ARID1B: variants seen among roughly 807,000 people sequenced by gnomAD.
ARID1B encodes AT-rich interactive domain-containing protein 1B.
In ARID1B, 30 loss-of-function variants were observed where a neutral mutation model predicts 212.3. The observed-to-expected ratio is 0.14, with a 90% CI of 0.11 to 0.19. The LOEUF is 0.19. ARID1B is among the 10% of genes least tolerant of loss of function. The probability of loss-of-function intolerance (pLI) is 1.00; values close to 1 mark genes in which losing one functional copy is unlikely to be tolerated. For missense variants in ARID1B, 2,891 were observed against 3,204.0 expected, an observed-to-expected ratio of 0.90 and a Z score of 2.36; for synonymous variants, 1,402 against 1,301.7, an observed-to-expected ratio of 1.08 and a Z score of -1.66.
At chr6:156,901,269 GTTGCT>G in intron 2 of ARID1B, 102 bp from the exon 3 acceptor site, 1 of 1,266,136 alleles carries the variant, frequency 7.9e-7, no homozygotes, top group East Asian at 2.4e-5. Flanking sequence ...ATTGAGTTTA[GTTGCT>G]TAGCAGAGAA....
At chr6:157,038,440 A>T (rs1038900801) in intron 4 of ARID1B, among the ~76,000 whole-genome samples, 1 of 152,180 alleles carries the variant, frequency 6.6e-6, no homozygotes, top group Non-Finnish European at 1.5e-5. Flanking sequence ...GTAAGATGAC[A>T]CTGTAATGCT....
intron 4 of ARID1B, among the ~76,000 whole-genome samples, chr6:156,974,830 C>T (rs1397196060): frequency 3.3e-5 from 5 of 152,236 alleles, no homozygotes; most frequent in Non-Finnish European, 5.9e-5. Flanking sequence ...GCAGCACACA[C>T]TGTCTCTCCC....
chr6:157,083,698 C>T (rs1784775891), intron 4 of ARID1B, among the ~76,000 whole-genome samples: 1 of 152,156 alleles, frequency 6.6e-6, no homozygotes, highest in Non-Finnish European at 1.5e-5. Context: ...ATATAGATGG[C>T]ATTGACGGTG....
intron 6 of ARID1B, among the ~76,000 whole-genome samples, chr6:157,129,908 C>T (rs1788419242): frequency 6.6e-6 from 1 of 152,210 alleles, no homozygotes; most frequent in Non-Finnish European, 1.5e-5. Flanking sequence ...GTGGTTTACA[C>T]CTGTTATCCC....
At chr6:157,022,522 G>T (rs373367605) in intron 4 of ARID1B, 13 of 152,232 alleles carry the variant, frequency 8.5e-5, no homozygotes, top group African/African-American at 2.9e-4. Flanking sequence ...TCACTTGCAG[G>T]TGTTTTAGGT....
At chr6:157,092,797 C>G (rs1785358592) in intron 5 of ARID1B, among the ~76,000 whole-genome samples, 1 of 152,156 alleles carries the variant, frequency 6.6e-6, no homozygotes, top group African/African-American at 2.4e-5. Context: ...ACAAGAAAGC[C>G]TGTGTCACCA....
rs1282312683 is a variant in ARID1B at position 157,099,318 on chromosome 6, T to A, written c.2492-11154T>A. ...AAGTCTAGAAGTCCGTGCATCACCA[T>A]GTATCCTCTGACTTAACTTGTCCTT... On this transcript the variant is annotated intron_variant, in intron 5 of 19. Transcript: ENST00000636930. 2.0e-5 allele frequency among the ~76,000 whole-genome samples: 3 copies of A among 152,178 alleles called. No individual in the cohort carries two copies. The East Asian group carries it at 5.8e-4, about 29-fold the overall frequency.
intron 4 of ARID1B, chr6:157,022,628 T>G (rs1343298518): frequency 2.0e-5 from 3 of 152,210 alleles, no homozygotes; most frequent in Non-Finnish European, 4.4e-5. Context: ...AGACATGCAT[T>G]TAATCCAACT....
At chr6:156,979,474 G>A (rs1265581828) in intron 4 of ARID1B, among the ~76,000 whole-genome samples, 1 of 152,118 alleles carries the variant, frequency 6.6e-6, no homozygotes, top group African/African-American at 2.4e-5. Context: ...ATTACTACTT[G>A]ATCTACCTGA....
intron 1 of ARID1B, among the ~76,000 whole-genome samples, chr6:156,796,976 C>T (rs1402484298): frequency 2.2e-5 from 3 of 136,104 alleles, no homozygotes; most frequent in Non-Finnish European, 4.7e-5. Context: ...GGAGGGATGC[C>T]TTCCATACCC....
intron 3 of ARID1B, among the ~76,000 whole-genome samples, chr6:156,902,829 T>C (rs1024872137): frequency 3.3e-5 from 5 of 152,060 alleles, no homozygotes; most frequent in African/African-American, 1.2e-4. Flanking sequence ...TCAAGTCTTT[T>C]ATTAAAGTGT....
chr6:156,947,839 A>C (rs971053886), intron 4 of ARID1B, among the ~76,000 whole-genome samples: 2 of 152,248 alleles, frequency 1.3e-5, no homozygotes, highest in African/African-American at 2.4e-5. Context: ...AGGGCAATTA[A>C]TGAAACAAGA....
At chr6:157,178,911 C>T (rs1366156623) in intron 11 of ARID1B, among the ~76,000 whole-genome samples, 1 of 152,148 alleles carries the variant, frequency 6.6e-6, no homozygotes, top group Non-Finnish European at 1.5e-5. Flanking sequence ...TTAGAGAGGA[C>T]CAAACCAGGA....
intron 4 of ARID1B, among the ~76,000 whole-genome samples, chr6:157,031,920 C>T (rs1781038752): frequency 6.6e-6 from 1 of 152,124 alleles, no homozygotes; most frequent in Admixed American, 6.5e-5. Context: ...CCTCAGCCTC[C>T]CAAGTAGCTG....
intron 4 of ARID1B, among the ~76,000 whole-genome samples, chr6:157,079,868 A>G (rs1458441211): frequency 6.6e-6 from 1 of 152,042 alleles, no homozygotes; most frequent in East Asian, 1.9e-4. Context: ...AGAAAAAGAA[A>G]AAGTACACGG....
intron 1 of ARID1B, among the ~76,000 whole-genome samples, chr6:156,785,809 C>T (rs1464743003): frequency 6.6e-6 from 1 of 152,212 alleles, no homozygotes; most frequent in Non-Finnish European, 1.5e-5. Flanking sequence ...CTTCCGCAGA[C>T]ATTCCATCAG....
intron 4 of ARID1B, among the ~76,000 whole-genome samples, chr6:156,949,824 T>G (rs1793445225): frequency 2.0e-5 from 3 of 152,202 alleles, no homozygotes; most frequent in Non-Finnish European, 4.4e-5. Context: ...TTTTTAAGAA[T>G]TTCCCCAGTA....
chr6:157,105,661 G>A (rs2128505318), intron 5 of ARID1B, among the ~76,000 whole-genome samples: 1 of 152,202 alleles, frequency 6.6e-6, no homozygotes, highest in Non-Finnish European at 1.5e-5. Flanking sequence ...GAGTGCAGTG[G>A]TGCAATCTCG....
At chr6:157,034,239 T>A (rs1299746944) in intron 4 of ARID1B, among the ~76,000 whole-genome samples, 1 of 152,262 alleles carries the variant, frequency 6.6e-6, no homozygotes, top group Non-Finnish European at 1.5e-5. Flanking sequence ...CATTTTCTTA[T>A]GACATTAGGC....
Sources: gnomAD v4.1 joint callset for allele counts (sites outside exome capture counted in the v4.1 genomes callset) on GRCh38, gnomAD v4.1.1 for gene constraint, MANE v1.5 for transcripts, NCBI Gene and HGNC (gene_info 2026-07-23, HGNC 2026-07-21) for gene names.